Variants in FRZB observed in about 807,000 individuals in gnomAD.
FRZB encodes secreted frizzled-related protein 3.
Under a neutral mutation model 32.5 loss-of-function variants are expected in FRZB, and 34 were observed. The observed-to-expected ratio is 1.05, with a 90% CI of 0.80 to 1.39. FRZB has a LOEUF of 1.39. Ranked by LOEUF, FRZB falls within the 40% of genes most tolerant of loss-of-function variation. The pLI is 0.00. For synonymous variants in FRZB, 170 were observed against 159.2 expected (o/e 1.07, Z -0.51); for missense variants, 423 against 424.8 (o/e 1.00, Z 0.04).
chr2:182,838,435 C>T lies in FRZB; in HGVS notation c.771G>A (p.Met257Ile). Reference protein sequence around the residue: ...PLNVNEEYIIMGYEDEERSRL... With the variant: ...PLNVNEEYIIIGYEDEERSRL... ...TGGAACGTTCCTCATCTTCATAGCCCATGATGATATATTCCTCATTAACAT... is the reference window on the plus strand; with the variant it reads ...TGGAACGTTCCTCATCTTCATAGCCTATGATGATATATTCCTCATTAACAT... The change falls in exon 4 of 6, where the codon ATG (methionine) becomes ATA (isoleucine). Residue 257 changes from methionine (M) to isoleucine (I), a missense_variant. Coordinates refer to ENST00000295113, the MANE Select transcript of FRZB (RefSeq NM_001463.4). 6.2e-7 allele frequency: 1 copy of T among 1,611,914 alleles called. No individual in the cohort carries two copies. The highest frequency in any genetic ancestry group is 8.5e-7 in the Non-Finnish European group (1 of 1,178,358).
rs1695896652 is a variant in FRZB, at chr2:182,866,615, T to TCTCCGCCTCCCCCGC, written c.-78_-64dup. 3.4e-6 allele frequency: 4 copies of TCTCCGCCTCCCCCGC among 1,172,108 alleles called. No individual in the cohort carries two copies. In the East Asian group the frequency reaches 1.1e-4, roughly 31 times the overall value. 72.6% of individuals were successfully genotyped at this position (1,172,108 alleles called of 1,614,324 possible). On this transcript the variant is annotated 5_prime_UTR_variant, in exon 1 of 6. Transcript: ENST00000295113. The surrounding 1 kb of genome is among the most constrained non-coding windows in gnomAD (Gnocchi z 4.5). Reference sequence around the variant, plus strand: ...GGACGCCAAAAGGCCCGCTCCGCCGTCTCCGCCTCCCCCGCTGCAAGTGGA... The same window carrying TCTCCGCCTCCCCCGC: ...GGACGCCAAAAGGCCCGCTCCGCCGTCTCCGCCTCCCCCGCCTCCGCCTCCCCCGCTGCAAGTGGA...
At chr2:182,837,898 CTTTTGTTTT>C (rs759643631) in intron 5 of FRZB, 41 bp downstream of exon 5, 2 of 1,443,972 alleles carry the variant, frequency 1.4e-6, no homozygotes, top group Non-Finnish European at 1.9e-6. Context: ...TGGTTTTCTA[CTTTTGTTTT>C]GTTTTCTGTG....
chr2:182,862,773 CTTTTT>C (rs10558108), intron 1 of FRZB, among the ~76,000 whole-genome samples: 1 of 148,850 alleles, frequency 6.7e-6, no homozygotes, highest in African/African-American at 2.5e-5. Context: ...CTTTTCTTTT[CTTTTT>C]TTTTTTTTGA....
In FRZB at chr2:182,838,558, T is replaced by C. The variant is rs1218460783; in HGVS notation, c.648A>G (p.Val216=). ...ACTTTAGAATCTCCTTCACCTCCAC[T>C]ACTGCAGTCACATCATGGCACTTAG... is the stretch of plus-strand genomic sequence containing the variant. ...IKTKCHDVTA[V]VEVKEILKSS... Residue 216 remains valine, a synonymous_variant, in exon 4 of 6, where the codon GTA becomes GTG. Coordinates refer to ENST00000295113, the MANE Select transcript of FRZB (RefSeq NM_001463.4). 6.2e-7 allele frequency: 1 copy of C among 1,613,038 alleles called. No individual in the cohort carries two copies. Among genetic ancestry groups the C allele is most frequent in the East Asian group, 2.2e-5 (1 of 44,862 alleles).
intron 3 of FRZB, among the ~76,000 whole-genome samples, chr2:182,840,167 C>T (rs1454422717): frequency 6.6e-6 from 1 of 152,040 alleles, no homozygotes; most frequent in Non-Finnish European, 1.5e-5. Context: ...CAAGTGGAGC[C>T]TCTTTCTATT....
intron 3 of FRZB, 30 bp from the exon 4 acceptor site, chr2:182,838,643 TA>T (rs758231708): frequency 6.3e-7 from 1 of 1,581,350 alleles, no homozygotes; most frequent in Admixed American, 1.7e-5. Context: ...AAGCTGATAA[TA>T]ATATGACACA....
rs1695546167 is a variant in FRZB at position 182,838,004 on chromosome 2, A to G, written c.805T>C (p.Leu269=). ...YEDEERSRLL[L]VEGSIAEKWK... The stretch of plus-strand genomic sequence containing the variant: ...TTCTCAGCTATAGAGCCTTCCACCA[A>G]GAGTAATCTGTATTTTTGAAAGAAG... The change falls in exon 5 of 6, where the codon TTG becomes CTG. Residue 269 remains leucine (L), a synonymous_variant. Transcript: ENST00000295113. 1.2e-6 allele frequency: 2 copies of G among 1,611,392 alleles called. No homozygotes were observed. Among genetic ancestry groups the G allele is most frequent in the Non-Finnish European group, 1.7e-6 (2 of 1,178,406 alleles).
Position 182,866,193 on chromosome 2 carries a change from C to T in FRZB, c.360G>A (p.Glu120=). 2 of 1,614,174 alleles carry T rather than the reference C, an allele frequency of 1.2e-6. No individual in the cohort carries two copies. Among genetic ancestry groups the T allele is most frequent in the South Asian group, 1.1e-5 (1 of 91,084 alleles). The change falls in exon 1 of 6, where the codon GAG becomes GAA. Residue 120 remains glutamate (E), a synonymous_variant. Transcript: ENST00000295113. This position sits in a 1 kb window ranked among gnomAD's most constrained non-coding sequence, Gnocchi z 4.5. ...AGTGGCGGTACTTGATGAGTATGGGCTCACAGCCCTGCCGGGCCCGCTCGC... is the reference window on the plus strand; with the variant it reads ...AGTGGCGGTACTTGATGAGTATGGGTTCACAGCCCTGCCGGGCCCGCTCGC... The part of the protein sequence containing the change: ...SVCERARQGC[E]PILIKYRHSW...
chr2:182,856,730 C>T (rs181361434), intron 2 of FRZB, among the ~76,000 whole-genome samples: 100 of 151,924 alleles, frequency 6.6e-4, no homozygotes, highest in Non-Finnish European at 1.2e-3. Context: ...GATAAAAGGA[C>T]ACTACATAAT....
At chr2:182,859,796 T>C (rs543955180) in intron 1 of FRZB, among the ~76,000 whole-genome samples, 1 of 152,144 alleles carries the variant, frequency 6.6e-6, no homozygotes, top group Admixed American at 6.6e-5. Context: ...TAAAAAGCAA[T>C]ATCCAAGAAA....
At chr2:182,844,128 G>A (rs1695614822) in intron 2 of FRZB, among the ~76,000 whole-genome samples, 2 of 152,082 alleles carry the variant, frequency 1.3e-5, no homozygotes, top group South Asian at 4.1e-4. Flanking sequence ...GGGATAGGTA[G>A]CAGCAGCAAC....
intron 2 of FRZB, among the ~76,000 whole-genome samples, chr2:182,847,442 T>C (rs902554418): frequency 6.6e-6 from 1 of 152,220 alleles, no homozygotes; most frequent in African/African-American, 2.4e-5. Context: ...GGTAGTCCTC[T>C]GTGTCAAATG....
intron 2 of FRZB, among the ~76,000 whole-genome samples, chr2:182,846,217 C>T (rs1695638277): frequency 1.3e-5 from 2 of 152,182 alleles, no homozygotes; most frequent in African/African-American, 4.8e-5. Flanking sequence ...ATGACACTCA[C>T]TGGACTGTCA....
chr2:182,846,442 G>GA (rs957830589), intron 2 of FRZB, among the ~76,000 whole-genome samples: 5 of 151,854 alleles, frequency 3.3e-5, no homozygotes, highest in Admixed American at 2.6e-4. Context: ...TTTTTTCTAG[G>GA]AAAAAAAGCC....
In FRZB at chr2:182,846,361, C is replaced by A. The variant is rs147698475; in HGVS notation, c.527-3818G>T. Among the ~76,000 whole-genome samples, 11 of 152,250 alleles carry A rather than the reference C, an allele frequency of 7.2e-5. No homozygotes were observed. The East Asian group carries it at 2.1e-3, about 29-fold the overall frequency. The stretch of plus-strand genomic sequence containing the variant: ...AAGACTATAATTAACTTCATCAGAT[C>A]CCCAAACTCTCATAACCTTTCATGT... On this transcript the variant is annotated intron_variant, in intron 2 of 5. Transcript: ENST00000295113.
In FRZB at chr2:182,866,587, A is replaced by T; in HGVS notation, c.-35T>A. On this transcript the variant is annotated 5_prime_UTR_variant, in exon 1 of 6. Coordinates refer to ENST00000295113, the MANE Select transcript of FRZB (RefSeq NM_001463.4). This position sits in a 1 kb window ranked among gnomAD's most constrained non-coding sequence, Gnocchi z 4.5. ...AGGATGGGGCAGGGTGCAGCCGCGC[A>T]GTGGACGCCAAAAGGCCCGCTCCGC... 1 of 1,383,292 alleles carries T rather than the reference A, an allele frequency of 7.2e-7. No individual in the cohort carries two copies. The highest frequency in any genetic ancestry group is 2.9e-5 in the Admixed American group (1 of 34,412). 85.7% of individuals were successfully genotyped at this position (1,383,292 alleles called of 1,614,324 possible).
intron 2 of FRZB, among the ~76,000 whole-genome samples, chr2:182,858,053 T>C (rs1460397209): frequency 1.3e-5 from 2 of 152,206 alleles, no homozygotes; most frequent in Non-Finnish European, 2.9e-5. Context: ...TATACATTAC[T>C]AGCACAAAAT....
rs561407131 is a variant in FRZB, at chr2:182,861,953, G to A, written c.479-3120C>T. Among the ~76,000 whole-genome samples the A allele has an allele frequency of 1.8e-4, 27 of 152,286 alleles. No individual in the cohort carries two copies. In the South Asian group the frequency reaches 5.4e-3, roughly 30 times the overall value. Reference sequence around the variant, plus strand: ...GATACTCTTCCCTAACCCATCCAGAGTGCCTTTCAGTATTTTACACAATGA... The same window carrying A: ...GATACTCTTCCCTAACCCATCCAGAATGCCTTTCAGTATTTTACACAATGA... On this transcript the variant is annotated intron_variant, in intron 1 of 5. Coordinates refer to ENST00000295113, the MANE Select transcript of FRZB (RefSeq NM_001463.4).
intron 2 of FRZB, among the ~76,000 whole-genome samples, chr2:182,843,233 T>C (rs545573838): frequency 1.2e-3 from 190 of 152,318 alleles, no homozygotes; most frequent in Admixed American, 3.6e-3. Flanking sequence ...TATGTATATA[T>C]TAGGTTGGTA....
Sources: gnomAD v4.1 joint callset for allele counts (sites outside exome capture counted in the v4.1 genomes callset) on GRCh38, gnomAD v4.1.1 for gene constraint, Gnocchi (gnomAD v3.1) non-coding constraint, MANE v1.5 for transcripts, NCBI Gene and HGNC (gene_info 2026-07-23, HGNC 2026-07-21) for gene names.